PRKAG2: variants seen among roughly 807,000 people sequenced by gnomAD.
PRKAG2 encodes 5'-AMP-activated protein kinase subunit gamma-2.
PRKAG2 carries 26 observed loss-of-function variants against 69.6 expected under a neutral mutation model. The ratio of observed to expected loss-of-function variants is 0.37; its 90% confidence interval spans 0.27 to 0.52. The LOEUF is 0.52. Among genes scored for constraint, PRKAG2 ranks in the 20% least tolerant of loss-of-function variants. The pLI is 0.90. For synonymous variants in PRKAG2, 293 were observed against 285.0 expected, an observed-to-expected ratio of 1.03 and a Z score of -0.28; for missense variants, 557 against 740.0, an observed-to-expected ratio of 0.75 and a Z score of 2.87.
intron 5 of PRKAG2, among the ~76,000 whole-genome samples, chr7:151,626,335 T>C (rs1822896872): frequency 6.6e-6 from 1 of 152,174 alleles, no homozygotes; most frequent in South Asian, 2.1e-4. Context: ...ACGTCCTGAC[T>C]TCAGAGATAC....
chr7:151,669,063 C>T lies in PRKAG2; in HGVS notation c.684+6357G>A, dbSNP rs74961919. Among the ~76,000 whole-genome samples the T allele has an allele frequency of 5.9e-5, 9 of 152,324 alleles. No individual in the cohort carries two copies. The East Asian group carries it at 1.7e-3, about 29-fold the overall frequency. ...CAAGTGCTTGATGTGCTCCCACTGCCTATAAGGAAACGCACTCCTTTCCTT... is the reference window on the plus strand; with the variant it reads ...CAAGTGCTTGATGTGCTCCCACTGCTTATAAGGAAACGCACTCCTTTCCTT... On this transcript the variant is annotated intron_variant, in intron 4 of 15. Coordinates refer to ENST00000287878, the MANE Select transcript of PRKAG2 (RefSeq NM_016203.4).
intron 3 of PRKAG2, among the ~76,000 whole-genome samples, chr7:151,680,080 A>C (rs554469169): frequency 6.6e-6 from 1 of 152,252 alleles, no homozygotes; most frequent in East Asian, 1.9e-4. Context: ...AAATGAGCCC[A>C]AACTGCACCC....
At chr7:151,616,619 C>T (rs895935191) in intron 5 of PRKAG2, among the ~76,000 whole-genome samples, 1 of 152,198 alleles carries the variant, frequency 6.6e-6, no homozygotes, top group African/African-American at 2.4e-5. Flanking sequence ...CAGGCTGGTC[C>T]CCGCCCTGCA....
At chr7:151,786,376 A>C (rs1322472711) in intron 2 of PRKAG2, 94 bp downstream of exon 2, 1 of 1,238,128 alleles carries the variant, frequency 8.1e-7, no homozygotes, top group African/African-American at 1.5e-5. Flanking sequence ...GGTGGGCGTG[A>C]GGGTGAACAC....
At chr7:151,851,133 C>A (rs1357920059) in intron 1 of PRKAG2, among the ~76,000 whole-genome samples, 1 of 152,098 alleles carries the variant, frequency 6.6e-6, no homozygotes, top group Non-Finnish European at 1.5e-5. Context: ...TATCACAAAA[C>A]AAACACACAC....
intron 6 of PRKAG2, among the ~76,000 whole-genome samples, chr7:151,592,664 CTTACT>C (rs1813510014): frequency 6.6e-6 from 1 of 152,180 alleles, no homozygotes. Context: ...TGTTCTGCAG[CTTACT>C]TTTTCTTTTC....
At chr7:151,655,718 C>T (rs771846513) in intron 4 of PRKAG2, among the ~76,000 whole-genome samples, 1 of 152,250 alleles carries the variant, frequency 6.6e-6, no homozygotes, top group Non-Finnish European at 1.5e-5. Context: ...GTGAAACATC[C>T]ATGAAGCTGC....
In PRKAG2 at chr7:151,861,265, T is replaced by C. The variant is rs537985025; in HGVS notation, c.114+15242A>G. On this transcript the variant is annotated intron_variant, in intron 1 of 15. Transcript: ENST00000287878. Reference sequence around the variant, plus strand: ...TCACCTGCAGGACGGGCATGGTAGCTCATGCCTGTAATCCCAGCACTTTGG... The same window carrying C: ...TCACCTGCAGGACGGGCATGGTAGCCCATGCCTGTAATCCCAGCACTTTGG... Among the ~76,000 whole-genome samples, 4 of 152,292 alleles carry C rather than the reference T, an allele frequency of 2.6e-5. No homozygotes were observed. The South Asian group carries it at 8.3e-4, about 32-fold the overall frequency.
chr7:151,572,749 C>T, intron 8 of PRKAG2, 40 bp from the exon 9 acceptor site: 1 of 1,183,904 alleles, frequency 8.4e-7, no homozygotes, highest in Non-Finnish European at 1.2e-6. Context: ...TATACATATA[C>T]AACATAGAAA....
At chr7:151,782,889 C>G (rs2076792644) in intron 2 of PRKAG2, among the ~76,000 whole-genome samples, 1 of 152,236 alleles carries the variant, frequency 6.6e-6, no homozygotes, top group Admixed American at 6.5e-5. Context: ...TGACCCAGTT[C>G]AGAAGCAAGA....
chr7:151,781,134 A>G lies in PRKAG2; in HGVS notation c.466+18T>C, dbSNP rs2076647317. 1 of 1,613,512 alleles carries G rather than the reference A, an allele frequency of 6.2e-7. No individual in the cohort carries two copies. Among genetic ancestry groups the G allele is most frequent in the Non-Finnish European group, 8.5e-7 (1 of 1,180,008 alleles). ...AGCACCCCAGCACCCACCTGAAACA[A>G]TAGCATCAAGGTCTTACTTTTTCTG... On this transcript the variant is annotated intron_variant, in intron 3 of 15. Coordinates refer to ENST00000287878, the MANE Select transcript of PRKAG2 (RefSeq NM_016203.4). This position sits in a 1 kb window ranked among gnomAD's most constrained non-coding sequence, Gnocchi z 6.1.
At chr7:151,580,735 T>G (rs1324736901) in intron 6 of PRKAG2, among the ~76,000 whole-genome samples, 2 of 144,448 alleles carry the variant, frequency 1.4e-5, no homozygotes, top group African/African-American at 5.2e-5. Flanking sequence ...GAGCTAAAAA[T>G]GAAAACAACT....
intron 3 of PRKAG2, among the ~76,000 whole-genome samples, chr7:151,720,208 GACC>G (rs1292480534): frequency 6.6e-6 from 1 of 152,160 alleles, no homozygotes; most frequent in Non-Finnish European, 1.5e-5. Context: ...AGCCGTTTGT[GACC>G]ACAAGGAAAG....
At chr7:151,792,403 G>A (rs1055142385) in intron 1 of PRKAG2, among the ~76,000 whole-genome samples, 9 of 152,144 alleles carry the variant, frequency 5.9e-5, no homozygotes, top group African/African-American at 1.4e-4. Flanking sequence ...CCCCCGGCCC[G>A]CTACTTATCC....
At chr7:151,731,891 G>A (rs1267531639) in intron 3 of PRKAG2, among the ~76,000 whole-genome samples, 2 of 152,182 alleles carry the variant, frequency 1.3e-5, no homozygotes, top group Admixed American at 6.5e-5. Flanking sequence ...AGGCTGGAGT[G>A]CAGTGGTATA....
At chr7:151,823,470 C>A (rs2078839895) in intron 1 of PRKAG2, among the ~76,000 whole-genome samples, 1 of 150,054 alleles carries the variant, frequency 6.7e-6, no homozygotes, top group Admixed American at 6.7e-5. Flanking sequence ...TGAGTGGTCA[C>A]ATGGGCCAGG....
chr7:151,822,469 C>G (rs994470722), intron 1 of PRKAG2, among the ~76,000 whole-genome samples: 1 of 152,216 alleles, frequency 6.6e-6, no homozygotes, highest in East Asian at 1.9e-4. Context: ...CCTGAAGACC[C>G]TCTGAGCCAG....
intron 3 of PRKAG2, among the ~76,000 whole-genome samples, chr7:151,695,035 AT>A (rs1836367603): frequency 6.6e-6 from 1 of 152,228 alleles, no homozygotes; most frequent in Non-Finnish European, 1.5e-5. Flanking sequence ...AACGCCAGAC[AT>A]TCCTGCCTTC....
chr7:151,662,465 G>A (rs1222703619), intron 4 of PRKAG2, among the ~76,000 whole-genome samples: 1 of 152,096 alleles, frequency 6.6e-6, no homozygotes, highest in Non-Finnish European at 1.5e-5. Context: ...CTTTTATAAT[G>A]AATTCCTTCC....
Sources: allele counts gnomAD v4.1 joint callset (sites outside exome capture counted in the v4.1 genomes callset), GRCh38; gene constraint gnomAD v4.1.1; non-coding constraint Gnocchi (gnomAD v3.1); transcripts MANE v1.5; gene names NCBI Gene and HGNC (gene_info 2026-07-23, HGNC 2026-07-21).